Variants in ZC3H12B observed in about 807,000 individuals in gnomAD.
ZC3H12B encodes the protein zinc finger CCCH-type containing 12B.
ZC3H12B carries 7 observed loss-of-function variants against 43.9 expected under a neutral mutation model. The observed-to-expected ratio is 0.16, with a 90% confidence interval of 0.09 to 0.30. The LOEUF (loss-of-function observed/expected upper bound fraction) is 0.30. ZC3H12B is among the 10% of genes least tolerant of loss of function. The probability of loss-of-function intolerance (pLI) is 1.00; values close to 1 mark genes in which losing one functional copy is unlikely to be tolerated. For missense variants in ZC3H12B, 475 were observed against 670.2 expected (o/e 0.71, Z 3.22); for synonymous variants, 222 against 241.7 (o/e 0.92, Z 0.76).
intron 3 of ZC3H12B, among the ~76,000 whole-genome samples, chrX:65,458,161 A>G (rs1224794204): frequency 1.9e-5 from 2 of 107,374 alleles, no homozygotes; most frequent in Admixed American, 1.0e-4. Context: ...AGAGCTAACT[A>G]TCCTAAATAT....
At chrX:65,284,690 G>A in the ZC3H12B span, among the ~76,000 whole-genome samples, 1 of 110,962 alleles carries the variant, frequency 9.0e-6, no homozygotes, top group African/African-American at 3.3e-5. Context: ...GAACGTGGGA[G>A]GAAGAGGTTG....
the ZC3H12B span, among the ~76,000 whole-genome samples, chrX:65,212,318 ATATT>A: frequency 9.3e-5 from 1 of 10,809 alleles, no homozygotes; most frequent in Non-Finnish European, 1.7e-4. Flanking sequence ...TATAATTATT[ATATT>A]TATATTATAT....
At chrX:65,193,292 A>G in the ZC3H12B span, among the ~76,000 whole-genome samples, 8 of 110,570 alleles carry the variant, frequency 7.2e-5, no homozygotes, top group Non-Finnish European at 1.5e-4. Context: ...TTGCTGGAAG[A>G]TGTTTTATCT....
chrX:65,168,994 G>A, the ZC3H12B span, among the ~76,000 whole-genome samples: 1 of 111,098 alleles, frequency 9.0e-6, no homozygotes, highest in Admixed American at 9.6e-5. Context: ...AAATCCTGGA[G>A]TCATTGATTT....
intron 3 of ZC3H12B, among the ~76,000 whole-genome samples, chrX:65,481,744 A>G (rs1286125433): frequency 8.9e-6 from 1 of 112,386 alleles, no homozygotes; most frequent in Non-Finnish European, 1.9e-5. Context: ...CCTGCAGCTG[A>G]GATAAAACAG....
At chrX:65,171,866 G>A in the ZC3H12B span, among the ~76,000 whole-genome samples, 5 of 111,166 alleles carry the variant, frequency 4.5e-5, no homozygotes, top group Non-Finnish European at 9.4e-5. Flanking sequence ...ATCTCCTGGT[G>A]TGCCGTTTGC....
At chrX:65,081,494 C>G in the ZC3H12B span, among the ~76,000 whole-genome samples, 4 of 111,599 alleles carry the variant, frequency 3.6e-5, no homozygotes, top group African/African-American at 1.3e-4. Flanking sequence ...ATACTTACAT[C>G]AGACAAAATA....
At chrX:65,267,808 C>A in the ZC3H12B span, among the ~76,000 whole-genome samples, 1 of 111,231 alleles carries the variant, frequency 9.0e-6, no homozygotes, top group Admixed American at 9.6e-5. Context: ...GCAATAAATG[C>A]CTAATTTTTT....
chrX:65,500,062 C>A, intron 4 of ZC3H12B, 73 bp downstream of exon 9: 2 of 845,687 alleles, frequency 2.4e-6, no homozygotes, highest in East Asian at 3.1e-5. Flanking sequence ...TTTTCTCTTC[C>A]AGGTTTCCCT....
the ZC3H12B span, among the ~76,000 whole-genome samples, chrX:65,249,408 A>T: frequency 3.7e-4 from 41 of 111,893 alleles, no homozygotes; most frequent in African/African-American, 1.3e-3. Flanking sequence ...ACTTTGTTCC[A>T]TTGGTCTAAT....
the ZC3H12B span, among the ~76,000 whole-genome samples, chrX:65,298,465 T>A: frequency 8.9e-6 from 1 of 111,830 alleles, no homozygotes; most frequent in Non-Finnish European, 1.9e-5. Flanking sequence ...AAATTGAGGA[T>A]CTGAGCTTCT....
At chrX:65,336,915 C>A in the ZC3H12B span, among the ~76,000 whole-genome samples, 4 of 112,097 alleles carry the variant, frequency 3.6e-5, no homozygotes, top group Non-Finnish European at 7.5e-5. Flanking sequence ...GCAAATTAAT[C>A]CAAAAAGAAT....
the ZC3H12B span, among the ~76,000 whole-genome samples, chrX:65,131,618 A>G: frequency 9.0e-6 from 1 of 111,576 alleles, no homozygotes; most frequent in South Asian, 3.8e-4. Flanking sequence ...TTGTGAGTTT[A>G]TGTAATGGTT....
At chrX:65,282,975 A>G in the ZC3H12B span, among the ~76,000 whole-genome samples, 1 of 111,958 alleles carries the variant, frequency 8.9e-6, no homozygotes, top group African/African-American at 3.2e-5. Flanking sequence ...TCATTTTATG[A>G]GGCCAGCATC....
chrX:65,418,801 A>G (rs2066988142), intron 3 of ZC3H12B, among the ~76,000 whole-genome samples: 1 of 111,660 alleles, frequency 9.0e-6, no homozygotes, highest in African/African-American at 3.3e-5. Context: ...CAGACCCAGA[A>G]CCCCTAGAAT....
At chrX:65,322,672 G>T in the ZC3H12B span, among the ~76,000 whole-genome samples, 1 of 111,876 alleles carries the variant, frequency 8.9e-6, no homozygotes, top group Non-Finnish European at 1.9e-5. Flanking sequence ...AAATCAGGTA[G>T]TATGATTTCA....
At chrX:65,223,208 A>G in the ZC3H12B span, among the ~76,000 whole-genome samples, 1 of 111,501 alleles carries the variant, frequency 9.0e-6, no homozygotes, top group South Asian at 3.7e-4. Context: ...CTGAATCCTA[A>G]TCTCTCAATT....
chrX:65,189,979 G>A, the ZC3H12B span, among the ~76,000 whole-genome samples: 16 of 110,135 alleles, frequency 1.5e-4, no homozygotes, highest in African/African-American at 4.1e-4. Context: ...TTTGTATAAG[G>A]TGTAAGGAAG....
chrX:65,448,955 A>AAAAG lies in ZC3H12B; in HGVS notation n.408-39669_408-39666dup, dbSNP rs1556209271. On this transcript the variant is annotated intron_variant and non_coding_transcript_variant, in intron 3 of 5. Transcript: ENST00000617377. Reference sequence around the variant, plus strand: ...GAGAAGGAAAAGAAAGAAAGAAAGAAAAAGAAAGAAAGAAAGAAAGAAAGA... The same window carrying AAAAG: ...GAGAAGGAAAAGAAAGAAAGAAAGAAAAAGAAAGAAAGAAAGAAAGAAAGAAAGA... Among the ~76,000 whole-genome samples, 8 of 58,972 alleles carry AAAAG rather than the reference A, an allele frequency of 1.4e-4. No homozygotes were observed. In the East Asian group the frequency reaches 2.3e-3, roughly 17 times the overall value. The allele number at this position is 58,972 out of a possible 115,157, so 51.2% of individuals were successfully genotyped here.
Sources: allele counts gnomAD v4.1 joint callset (sites outside exome capture counted in the v4.1 genomes callset), GRCh38; gene constraint gnomAD v4.1.1; transcripts MANE v1.5; gene names NCBI Gene and HGNC (gene_info 2026-07-23, HGNC 2026-07-21).